Variants in AZIN2 observed in about 807,000 individuals in gnomAD.
AZIN2 encodes the protein ODC antizyme inhibitor-2.
AZIN2 carries 28 observed loss-of-function variants against 47.8 expected under a neutral mutation model. The observed-to-expected ratio is 0.59, with a 90% CI of 0.43 to 0.80. The LOEUF (loss-of-function observed/expected upper bound fraction) is 0.80, where lower values mean the gene tolerates loss of function less well. Ranked by LOEUF, AZIN2 falls within the 30% of genes least tolerant of loss-of-function variation. The pLI, the probability that AZIN2 is intolerant of heterozygous loss-of-function variation, is 0.00. For synonymous variants in AZIN2, 221 were observed against 239.4 expected (o/e 0.92, Z 0.71); for missense variants, 535 against 582.5 (o/e 0.92, Z 0.84).
the AZIN2 span, among the ~76,000 whole-genome samples, chr1:33,141,385 G>T: frequency 6.6e-6 from 1 of 152,154 alleles, no homozygotes; most frequent in African/African-American, 2.4e-5. Context: ...TGGGAACCAG[G>T]ACACTTGAGT....
In AZIN2 at chr1:33,119,836, A is replaced by G. The variant is rs560767758; in HGVS notation, c.1245-208A>G. ...GTCTGGCATGTAGTAAATGCTCGAT[A>G]CATGTGGATTTCTTTCCCTTGTTGA... On this transcript the variant is annotated intron_variant, in intron 11 of 11. Coordinates refer to ENST00000294517, the MANE Select transcript of AZIN2 (RefSeq NM_052998.4). The G allele has an allele frequency of 6.6e-6, 4 of 608,044 alleles. No homozygotes were observed. In the South Asian group the frequency reaches 7.9e-5, roughly 12 times the overall value. 37.7% of individuals were successfully genotyped at this position (608,044 alleles called of 1,614,324 possible). A position where few individuals can be genotyped will look rare whatever the true frequency, so the allele number is the denominator to read the frequency against.
chr1:33,084,803 T>G (rs2124463529), intron 5 of AZIN2, among the ~76,000 whole-genome samples: 1 of 152,282 alleles, frequency 6.6e-6, no homozygotes. Context: ...TTTCAGCATG[T>G]TGGCCAGGTT....
chr1:33,111,844 C>A (rs1644304780), intron 10 of AZIN2, among the ~76,000 whole-genome samples: 1 of 152,034 alleles, frequency 6.6e-6, no homozygotes, highest in Non-Finnish European at 1.5e-5. Flanking sequence ...ACCTTGTGAT[C>A]CACCCACCTC....
At chr1:33,084,893 C>T (rs72884364) in intron 5 of AZIN2, among the ~76,000 whole-genome samples, 6,960 of 152,292 alleles carry the variant, frequency 0.046, 343 homozygotes, top group African/African-American at 0.12. Context: ...AGCCACCGCG[C>T]ATAGCCACTT....
chr1:33,148,691 C>T, the AZIN2 span, among the ~76,000 whole-genome samples: 2 of 152,140 alleles, frequency 1.3e-5, no homozygotes, highest in African/African-American at 4.8e-5. Context: ...TATACACACA[C>T]AACACTTGAA....
chr1:33,120,290 A>G lies in AZIN2; in HGVS notation c.*108A>G. On this transcript the variant is annotated 3_prime_UTR_variant, in exon 12 of 12. Coordinates refer to ENST00000294517, the MANE Select transcript of AZIN2 (RefSeq NM_052998.4). ...ACCCTTGGCCAGGACTCTGGTGCCC[A>G]CCCTGCCACCCCCGCGCTCCACCTG... is the stretch of plus-strand genomic sequence containing the variant. 1.4e-6 allele frequency: 2 copies of G among 1,453,276 alleles called. No homozygotes were observed. Among genetic ancestry groups the G allele is most frequent in the Non-Finnish European group, 1.8e-6 (2 of 1,082,146 alleles). The allele number at this position is 1,453,276 out of a possible 1,614,324, so 90.0% of individuals were successfully genotyped here. A position where few individuals can be genotyped will look rare whatever the true frequency, so the allele number is the denominator to read the frequency against.
At chr1:33,152,248 T>C in the AZIN2 span, among the ~76,000 whole-genome samples, 2 of 152,168 alleles carry the variant, frequency 1.3e-5, no homozygotes, top group African/African-American at 2.4e-5. Context: ...CTTCCCAGCA[T>C]GTGGCCCCAG....
the AZIN2 span, among the ~76,000 whole-genome samples, chr1:33,135,506 C>G: frequency 6.6e-6 from 1 of 152,210 alleles, no homozygotes; most frequent in East Asian, 1.9e-4. Context: ...TCATTTCATT[C>G]TCACAGCAAC....
the AZIN2 span, among the ~76,000 whole-genome samples, chr1:33,161,503 C>G: frequency 6.6e-6 from 1 of 152,170 alleles, no homozygotes; most frequent in African/African-American, 2.4e-5. The surrounding 1 kb of genome is among the most constrained non-coding windows in gnomAD (Gnocchi z 4.3). Flanking sequence ...GTTCCCTCCC[C>G]GACGCGCGGC....
chr1:33,151,142 TC>T, the AZIN2 span, among the ~76,000 whole-genome samples: 2 of 151,990 alleles, frequency 1.3e-5, no homozygotes, highest in African/African-American at 2.4e-5. Context: ...ACAAGGGGGC[TC>T]TCCGTGGGTC....
the AZIN2 span, among the ~76,000 whole-genome samples, chr1:33,138,490 G>C: frequency 6.6e-6 from 1 of 151,984 alleles, no homozygotes; most frequent in East Asian, 1.9e-4. Flanking sequence ...GCGAGACCCT[G>C]TCTCTGCAAA....
the AZIN2 span, chr1:33,147,686 G>A: frequency 6.8e-6 from 11 of 1,613,542 alleles, no homozygotes; most frequent in Non-Finnish European, 8.5e-6. The surrounding 1 kb of genome is among the most constrained non-coding windows in gnomAD (Gnocchi z 8.1). Context: ...AGGATCAGGC[G>A]CTGGTGGGCT....
chr1:33,159,979 G>A, the AZIN2 span: 2 of 1,586,842 alleles, frequency 1.3e-6, no homozygotes, highest in Non-Finnish European at 1.7e-6. This position sits in a 1 kb window ranked among gnomAD's most constrained non-coding sequence, Gnocchi z 4.2. Context: ...TATGGCTGGG[G>A]GAGCAGATGG....
At chr1:33,158,214 G>T in the AZIN2 span, 1 of 1,583,722 alleles carries the variant, frequency 6.3e-7, no homozygotes, top group Non-Finnish European at 8.7e-7. Context: ...GCTGGGACAT[G>T]CCCCACCTAG....
At chr1:33,138,626 C>CAACAACA in the AZIN2 span, among the ~76,000 whole-genome samples, 36 of 66,106 alleles carry the variant, frequency 5.4e-4, no homozygotes, top group African/African-American at 1.6e-3. Context: ...ACAACAACAA[C>CAACAACA]AAAAAAAAAA....
At chr1:33,130,095 G>A in the AZIN2 span, among the ~76,000 whole-genome samples, 1,453 of 152,254 alleles carry the variant, frequency 9.5e-3, 15 homozygotes, top group African/African-American at 0.033. Flanking sequence ...CTGACCTCAC[G>A]TGATCCACCT....
At chr1:33,165,612 C>T in the AZIN2 span, 3 of 1,524,190 alleles carry the variant, frequency 2.0e-6, no homozygotes, top group Admixed American at 1.9e-5. This position sits in a 1 kb window ranked among gnomAD's most constrained non-coding sequence, Gnocchi z 4.0. Flanking sequence ...CCATGCCTGG[C>T]CCAGGCATTC....
intron 5 of AZIN2, among the ~76,000 whole-genome samples, chr1:33,085,147 C>T (rs1641741408): frequency 6.6e-6 from 1 of 150,674 alleles, no homozygotes; most frequent in Admixed American, 6.6e-5. Flanking sequence ...GGCATCTCTT[C>T]TGAGGCCAAG....
chr1:33,130,158 C>T, the AZIN2 span, among the ~76,000 whole-genome samples: 15 of 152,280 alleles, frequency 9.9e-5, no homozygotes, highest in African/African-American at 3.4e-4. Flanking sequence ...TGCACCTGGC[C>T]GTAGCTTTGC....
Sources: allele counts gnomAD v4.1 joint callset (sites outside exome capture counted in the v4.1 genomes callset), GRCh38; gene constraint gnomAD v4.1.1; non-coding constraint Gnocchi (gnomAD v3.1); transcripts MANE v1.5; gene names NCBI Gene and HGNC (gene_info 2026-07-23, HGNC 2026-07-21).